The following CYP2C19 variants were observed in gnomAD, a reference collection of about 807,000 sequenced individuals.
CYP2C19 encodes the protein cytochrome P450 2C19.
A neutral mutation model predicts 40.9 loss-of-function variants in CYP2C19; 59 were observed. That is an observed-to-expected ratio of 1.44 (90% CI 1.17 to 1.79). CYP2C19 has a LOEUF of 1.79. Among genes scored for constraint, CYP2C19 ranks in the 40% most tolerant of loss-of-function variants. The pLI is 0.00. For missense variants in CYP2C19, 754 were observed against 596.9 expected (o/e 1.26, Z -2.74); for synonymous variants, 253 against 208.7 (o/e 1.21, Z -1.83).
chr10:94,765,492 A>G (rs934434611), intron 1 of CYP2C19, among the ~76,000 whole-genome samples: 1 of 152,134 alleles, frequency 6.6e-6, no homozygotes, highest in Non-Finnish European at 1.5e-5. Context: ...TTGCCAAGGT[A>G]GCTCTGGTGA....
Position 94,842,940 on chromosome 10 carries a change from C to G in CYP2C19, c.1065C>G (p.Val355=). The part of the protein sequence containing the change: ...MPYTDAVVHE[V]QRYIDLIPTS... ...ACACAGATGCTGTGGTGCACGAGGT[C>G]CAGAGATACATCGACCTCATCCCCA... The change falls in exon 7 of 9, where the codon GTC becomes GTG. Residue 355 remains valine, a synonymous_variant. Transcript: ENST00000371321. 6.2e-7 allele frequency: 1 copy of G among 1,614,186 alleles called. No individual in the cohort carries two copies. The highest frequency in any genetic ancestry group is 2.2e-5 in the East Asian group (1 of 44,868).
chr10:94,846,725 A>G (rs1318027501), intron 7 of CYP2C19, among the ~76,000 whole-genome samples: 1 of 151,848 alleles, frequency 6.6e-6, no homozygotes, highest in Non-Finnish European at 1.5e-5. Context: ...TTTAGGGTAC[A>G]TGTGCACAAT....
At chr10:94,806,585 T>G (rs2134256974) in intron 5 of CYP2C19, among the ~76,000 whole-genome samples, 1 of 149,876 alleles carries the variant, frequency 6.7e-6, no homozygotes, top group East Asian at 1.9e-4. Context: ...TTCTTAGCCT[T>G]TATTTATTAG....
rs1180785380 is a variant in CYP2C19, at chr10:94,850,861, G to A, written c.1291+803G>A. 3.9e-5 allele frequency among the ~76,000 whole-genome samples: 6 copies of A among 152,106 alleles called. No individual in the cohort carries two copies. The South Asian group carries it at 8.3e-4, about 21-fold the overall frequency. On this transcript the variant is annotated intron_variant, in intron 8 of 8. Transcript: ENST00000371321. ...GCAGGATACTCTGCAGTGATGCAGA[G>A]CACCATGCTCTTTCCCTAGTCATGG...
intron 5 of CYP2C19, among the ~76,000 whole-genome samples, chr10:94,807,959 C>G (rs975408855): frequency 2.6e-5 from 4 of 152,052 alleles, no homozygotes; most frequent in Non-Finnish European, 4.4e-5. Context: ...AAGACCAATA[C>G]TCTGAAGCAT....
chr10:94,790,894 A>C (rs1848596790), intron 5 of CYP2C19, among the ~76,000 whole-genome samples: 1 of 152,006 alleles, frequency 6.6e-6, no homozygotes, highest in Non-Finnish European at 1.5e-5. Flanking sequence ...AAATGATTAG[A>C]GAGAATTCCC....
intron 5 of CYP2C19, among the ~76,000 whole-genome samples, chr10:94,788,054 T>C (rs1430606242): frequency 1.3e-5 from 2 of 152,110 alleles, no homozygotes; most frequent in East Asian, 3.9e-4. Context: ...CAACAGTGTT[T>C]TGTAGCTCTC....
intron 5 of CYP2C19, among the ~76,000 whole-genome samples, chr10:94,806,172 T>G (rs915433538): frequency 1.3e-5 from 2 of 152,184 alleles, no homozygotes; most frequent in Non-Finnish European, 2.9e-5. Flanking sequence ...TGTGACTGGT[T>G]TATTTCACTT....
intron 6 of CYP2C19, among the ~76,000 whole-genome samples, chr10:94,835,812 C>T (rs1383715952): frequency 6.6e-6 from 1 of 152,038 alleles, no homozygotes; most frequent in Non-Finnish European, 1.5e-5. Context: ...ATTCTAGTGC[C>T]CGAGTGAGGG....
chr10:94,838,158 G>GTCCT (rs1357929723), intron 6 of CYP2C19, among the ~76,000 whole-genome samples: 3 of 151,966 alleles, frequency 2.0e-5, no homozygotes, highest in African/African-American at 7.3e-5. Flanking sequence ...GTTTTCCTTA[G>GTCCT]TCCTTCTAGC....
intron 6 of CYP2C19, among the ~76,000 whole-genome samples, chr10:94,821,768 C>T (rs537394681): frequency 6.6e-6 from 1 of 151,854 alleles, no homozygotes; most frequent in Non-Finnish European, 1.5e-5. Context: ...CAATTACTAA[C>T]CTATAACGTT....
intron 5 of CYP2C19, among the ~76,000 whole-genome samples, chr10:94,803,083 C>A (rs1848787973): frequency 6.6e-6 from 1 of 152,048 alleles, no homozygotes. Flanking sequence ...ATTTAGGGTT[C>A]ATTGCTGGGG....
At chr10:94,803,514 G>A (rs1848793891) in intron 5 of CYP2C19, among the ~76,000 whole-genome samples, 2 of 152,292 alleles carry the variant, frequency 1.3e-5, no homozygotes, top group African/African-American at 4.8e-5. Context: ...AATGCAGAGT[G>A]GTCTGGGCTC....
At position 94,835,567 on chromosome 10, in the gene CYP2C19, G is replaced by A. The variant is rs193224655; in HGVS notation, c.962-7270G>A. The stretch of plus-strand genomic sequence containing the variant: ...CTTTTGGCCTCAATATCTGCTTGGC[G>A]GTTCCCTTCTATTTTCCTTTCCTTT... On this transcript the variant is annotated intron_variant, in intron 6 of 8. Transcript: ENST00000371321. Among the ~76,000 whole-genome samples the A allele has an allele frequency of 1.6e-3, 245 of 152,084 alleles. 1 individual carries two copies. Among genetic ancestry groups the A allele is most frequent in the Non-Finnish European group, 2.8e-3 (190 of 67,978 alleles).
At chr10:94,800,999 C>T (rs955470396) in intron 5 of CYP2C19, among the ~76,000 whole-genome samples, 5 of 152,324 alleles carry the variant, frequency 3.3e-5, no homozygotes, top group African/African-American at 9.6e-5. Flanking sequence ...CCCCACCCTT[C>T]TTCAGCTCAC....
At chr10:94,840,814 G>A (rs183824136) in intron 6 of CYP2C19, among the ~76,000 whole-genome samples, 18 of 152,158 alleles carry the variant, frequency 1.2e-4, no homozygotes, top group Non-Finnish European at 1.8e-4. Context: ...CCAATAGAAG[G>A]GTTGGTTGTT....
intron 6 of CYP2C19, among the ~76,000 whole-genome samples, chr10:94,825,905 T>C (rs1282104770): frequency 6.6e-6 from 1 of 151,806 alleles, no homozygotes; most frequent in African/African-American, 2.4e-5. Context: ...CACCATTTAT[T>C]AAATAGGGAA....
At chr10:94,763,950 A>G (rs1477922588) in intron 1 of CYP2C19, among the ~76,000 whole-genome samples, 1 of 151,924 alleles carries the variant, frequency 6.6e-6, no homozygotes, top group Non-Finnish European at 1.5e-5. Flanking sequence ...GGTCTTGCTG[A>G]CTTCAGGAGT....
At chr10:94,805,653 G>A (rs112790223) in intron 5 of CYP2C19, among the ~76,000 whole-genome samples, 2 of 152,134 alleles carry the variant, frequency 1.3e-5, no homozygotes, top group Non-Finnish European at 2.9e-5. Context: ...GGAGGTTGAG[G>A]TGGGCAGATT....
Sources: allele counts gnomAD v4.1 joint callset (sites outside exome capture counted in the v4.1 genomes callset), GRCh38; gene constraint gnomAD v4.1.1; transcripts MANE v1.5; gene names NCBI Gene and HGNC (gene_info 2026-07-23, HGNC 2026-07-21).